The following EXOC6B variants were observed in gnomAD, a reference collection of about 807,000 sequenced individuals.
EXOC6B encodes SEC15 homolog B.
A neutral mutation model predicts 113.5 loss-of-function variants in EXOC6B; 54 were observed. The ratio of observed to expected loss-of-function variants is 0.48; its 90% confidence interval spans 0.38 to 0.60. EXOC6B has a LOEUF of 0.60. Ranked by LOEUF, EXOC6B falls within the 20% of genes least tolerant of loss-of-function variation. EXOC6B has a pLI of 0.00. For missense variants in EXOC6B, 797 were observed against 977.5 expected (o/e 0.82, Z 2.46); for synonymous variants, 357 against 339.0 (o/e 1.05, Z -0.58).
chr2:72,674,120 T>A (rs1573601232), intron 6 of EXOC6B, among the ~76,000 whole-genome samples: 1 of 152,226 alleles, frequency 6.6e-6, no homozygotes, highest in Non-Finnish European at 1.5e-5. Flanking sequence ...ATTCTATGAC[T>A]TTAAAGGTTT....
At chr2:72,731,332 A>G in intron 3 of EXOC6B, 87 bp from the exon 4 acceptor site, 1 of 1,003,536 alleles carries the variant, frequency 1.0e-6, no homozygotes, top group Non-Finnish European at 1.5e-6. Context: ...TGTTCAATTC[A>G]TCAGAAAATC....
intron 20 of EXOC6B, among the ~76,000 whole-genome samples, chr2:72,261,244 A>C (rs1683693907): frequency 6.6e-6 from 1 of 152,234 alleles, no homozygotes; most frequent in East Asian, 1.9e-4. Context: ...GAGGCGGAAC[A>C]AGTAGAAGAA....
chr2:72,410,665 G>A (rs1251682330), intron 18 of EXOC6B, among the ~76,000 whole-genome samples: 1 of 152,130 alleles, frequency 6.6e-6, no homozygotes, highest in Non-Finnish European at 1.5e-5. Context: ...CAGCAATTTA[G>A]CTTTGGTAAA....
At position 72,749,380 on chromosome 2, in the gene EXOC6B, C is replaced by T. The variant is rs557490825; in HGVS notation, c.114-7911G>A. On this transcript the variant is annotated intron_variant, in intron 1 of 21. Transcript: ENST00000272427. ...AATGACCAGTTCACTTAGTATCTAT[C>T]ATCAACATAATGAGTCTGAATCTAG... 5.4e-4 allele frequency among the ~76,000 whole-genome samples: 82 copies of T among 152,188 alleles called. No individual in the cohort carries two copies. In the South Asian group the frequency reaches 0.016, roughly 29 times the overall value.
At chr2:72,583,489 T>G (rs1705352422) in intron 6 of EXOC6B, among the ~76,000 whole-genome samples, 1 of 152,150 alleles carries the variant, frequency 6.6e-6, no homozygotes, top group Admixed American at 6.5e-5. Context: ...AGGATACCCA[T>G]GGGGCTAACA....
intron 20 of EXOC6B, among the ~76,000 whole-genome samples, chr2:72,283,102 A>G (rs1685227901): frequency 6.6e-6 from 1 of 152,166 alleles, no homozygotes; most frequent in African/African-American, 2.4e-5. Flanking sequence ...AACTGCAGAA[A>G]ACATCTTTTA....
chr2:72,648,967 C>T (rs564669071), intron 6 of EXOC6B, among the ~76,000 whole-genome samples: 6 of 152,120 alleles, frequency 3.9e-5, no homozygotes, highest in Non-Finnish European at 8.8e-5. Flanking sequence ...ATGGTGAGAC[C>T]CCTGTCTCTA....
At chr2:72,585,223 C>G (rs1573440735) in intron 6 of EXOC6B, among the ~76,000 whole-genome samples, 1 of 151,916 alleles carries the variant, frequency 6.6e-6, no homozygotes, top group East Asian at 1.9e-4. Context: ...ATGGGTTGTT[C>G]TAAAGAAAAA....
intron 17 of EXOC6B, among the ~76,000 whole-genome samples, chr2:72,469,066 T>G (rs573400044): frequency 6.6e-5 from 10 of 152,242 alleles, no homozygotes; most frequent in African/African-American, 2.4e-4. Context: ...ATTTTTACAA[T>G]TAATGAAACA....
At chr2:72,223,287 T>C (rs1680989021) in intron 20 of EXOC6B, among the ~76,000 whole-genome samples, 1 of 152,146 alleles carries the variant, frequency 6.6e-6, no homozygotes, top group Admixed American at 6.6e-5. Flanking sequence ...AATCGGACCA[T>C]ACACACTTAG....
intron 6 of EXOC6B, among the ~76,000 whole-genome samples, chr2:72,699,477 C>CAA (rs59106937): frequency 4.8e-5 from 3 of 62,846 alleles, no homozygotes; most frequent in South Asian, 5.0e-4. Context: ...GACTCCGTCT[C>CAA]AAAAAAAAAA....
At chr2:72,610,291 C>A (rs950351065) in intron 6 of EXOC6B, among the ~76,000 whole-genome samples, 4 of 152,080 alleles carry the variant, frequency 2.6e-5, no homozygotes, top group Non-Finnish European at 4.4e-5. Flanking sequence ...TTGCGCTATC[C>A]ATTGAAGAGA....
At chr2:72,238,755 T>G (rs1445930004) in intron 20 of EXOC6B, among the ~76,000 whole-genome samples, 1 of 152,256 alleles carries the variant, frequency 6.6e-6, no homozygotes, top group Non-Finnish European at 1.5e-5. Flanking sequence ...TGCTATCTTT[T>G]TATTATTGAG....
chr2:72,331,914 T>C (rs1688435624), intron 20 of EXOC6B, among the ~76,000 whole-genome samples: 1 of 152,088 alleles, frequency 6.6e-6, no homozygotes, highest in African/African-American at 2.4e-5. Context: ...CCTAATGAAA[T>C]TCTATAACTT....
intron 6 of EXOC6B, among the ~76,000 whole-genome samples, chr2:72,645,609 A>G (rs1287460724): frequency 6.6e-6 from 1 of 152,242 alleles, no homozygotes; most frequent in Non-Finnish European, 1.5e-5. Flanking sequence ...CCACAGCGCA[A>G]TCAAATTACA....
chr2:72,783,646 T>C (rs1407097972), intron 1 of EXOC6B, among the ~76,000 whole-genome samples: 2 of 152,102 alleles, frequency 1.3e-5, no homozygotes, highest in Non-Finnish European at 2.9e-5. Context: ...CTATGTCTCC[T>C]TTTGAGAAAT....
chr2:72,678,846 G>C (rs1337410343), intron 6 of EXOC6B, among the ~76,000 whole-genome samples: 1 of 152,156 alleles, frequency 6.6e-6, no homozygotes, highest in Non-Finnish European at 1.5e-5. Context: ...CTCAATACGT[G>C]CACCTAATTA....
chr2:72,368,699 G>C (rs550408907), intron 19 of EXOC6B, among the ~76,000 whole-genome samples: 1 of 152,280 alleles, frequency 6.6e-6, no homozygotes, highest in African/African-American at 2.4e-5. Context: ...GGGATGCAAG[G>C]CTGGTCCAAC....
At chr2:72,775,514 C>G (rs1683643479) in intron 1 of EXOC6B, among the ~76,000 whole-genome samples, 1 of 152,158 alleles carries the variant, frequency 6.6e-6, no homozygotes. Flanking sequence ...AAACAAGAAA[C>G]AGCCCAGGTG....
Sources: allele counts gnomAD v4.1 joint callset (sites outside exome capture counted in the v4.1 genomes callset), GRCh38; gene constraint gnomAD v4.1.1; transcripts MANE v1.5; gene names NCBI Gene and HGNC (gene_info 2026-07-23, HGNC 2026-07-21).